The following MINAR1 variants were observed in gnomAD, a reference collection of about 807,000 sequenced individuals.
MINAR1 encodes the protein membrane integral NOTCH2 associated receptor 1.
In MINAR1, 40 loss-of-function variants were observed where a neutral mutation model predicts 65.1. That is an observed-to-expected ratio of 0.61 (90% CI 0.48 to 0.80). The LOEUF is 0.80. Among genes scored for constraint, MINAR1 ranks in the 30% least tolerant of loss-of-function variants. The pLI, the probability that MINAR1 is intolerant of heterozygous loss-of-function variation, is 0.00. For missense variants in MINAR1, 1,128 were observed against 1,148.0 expected, an observed-to-expected ratio of 0.98 and a Z score of 0.25; for synonymous variants, 482 against 449.1, an observed-to-expected ratio of 1.07 and a Z score of -0.93.
At chr15:79,447,443 A>G (rs962829603) in intron 1 of MINAR1, among the ~76,000 whole-genome samples, 3 of 149,640 alleles carry the variant, frequency 2.0e-5, no homozygotes, top group Admixed American at 6.6e-5. Context: ...GTATATTTGT[A>G]TCTTCTTTAA....
chr15:79,413,158 A>G, the MINAR1 span: 1 of 152,228 alleles, frequency 6.6e-6, no homozygotes, highest in African/African-American at 2.4e-5. Flanking sequence ...ACAAAAAACT[A>G]GAGTACCTTC....
intron 3 of MINAR1, among the ~76,000 whole-genome samples, chr15:79,466,116 G>T (rs1408927450): frequency 1.3e-5 from 2 of 152,070 alleles, no homozygotes; most frequent in Non-Finnish European, 2.9e-5. Context: ...TCCCCACATT[G>T]AGAGTGTCTT....
At chr15:79,425,403 A>G in the MINAR1 span, 1 of 152,218 alleles carries the variant, frequency 6.6e-6, no homozygotes, top group Non-Finnish European at 1.5e-5. Flanking sequence ...AGGTGACTGT[A>G]AGTTAAATGG....
the MINAR1 span, chr15:79,425,633 C>G: frequency 6.6e-6 from 1 of 152,162 alleles, no homozygotes; most frequent in Non-Finnish European, 1.5e-5. Context: ...ACTGGGGACT[C>G]TTCCCCAGAC....
At chr15:79,453,615 C>T (rs767466957) in intron 1 of MINAR1, among the ~76,000 whole-genome samples, 5 of 152,122 alleles carry the variant, frequency 3.3e-5, no homozygotes, top group Non-Finnish European at 5.9e-5. Context: ...CTCGTTGGTG[C>T]ATTGTAGGAA....
chr15:79,469,092 G>A lies in MINAR1; in HGVS notation c.*708G>A, dbSNP rs567726694. 2.0e-5 allele frequency: 3 copies of A among 153,048 alleles called. No individual in the cohort carries two copies. In the East Asian group the frequency reaches 5.8e-4, roughly 30 times the overall value. 9.5% of individuals were successfully genotyped at this position (153,048 alleles called of 1,614,324 possible). On this transcript the variant is annotated 3_prime_UTR_variant, in exon 4 of 4. Coordinates refer to ENST00000305428, the MANE Select transcript of MINAR1 (RefSeq NM_015206.3). ...ATGATGGGCCAAGGTATTCAGGCCA[G>A]GAGACCTCGTCCTCAATCCAAAGTG... is the stretch of plus-strand genomic sequence containing the variant.
chr15:79,468,224 G>C lies in MINAR1; in HGVS notation c.2591G>C (p.Trp864Ser), dbSNP rs771891891. ...TTAAACCCAAATAATTTAGAGTACT[G>C]GATGGAAGACATTTATACTCCAGGA... Reference protein sequence around the residue: ...ESLNPNNLEYWMEDIYTPGYD... With the variant: ...ESLNPNNLEYSMEDIYTPGYD... Residue 864 changes from tryptophan (W) to serine (S), a missense_variant, in exon 4 of 4, where the codon TGG (tryptophan) becomes TCG (serine). Coordinates refer to ENST00000305428, the MANE Select transcript of MINAR1 (RefSeq NM_015206.3). 6.2e-7 allele frequency: 1 copy of C among 1,614,020 alleles called. No individual in the cohort carries two copies. The highest frequency in any genetic ancestry group is 1.1e-5 in the South Asian group (1 of 91,064).
intron 1 of MINAR1, among the ~76,000 whole-genome samples, chr15:79,433,424 T>G (rs1894508444): frequency 6.6e-6 from 1 of 152,194 alleles, no homozygotes; most frequent in South Asian, 2.1e-4. Context: ...TAAGTTATGT[T>G]TGGTGAAGAT....
rs753895773 is a variant in MINAR1, at chr15:79,458,369, G to C, written c.2222G>C (p.Arg741Pro). 2.5e-6 allele frequency: 4 copies of C among 1,614,182 alleles called. No homozygotes were observed. In the Admixed American group the frequency reaches 5.0e-5, roughly 20 times the overall value. Residue 741 changes from arginine (R) to proline (P), a missense_variant, in exon 2 of 4, where the codon CGT (arginine) becomes CCT (proline). Physicochemically the swap from Arg to Pro is moderately radical, Grantham distance 103. Coordinates refer to ENST00000305428, the MANE Select transcript of MINAR1 (RefSeq NM_015206.3). The stretch of plus-strand genomic sequence containing the variant: ...TGGCGCACCATCACTTATACCAACC[G>C]TGTGGGCCTCAATGAGGAGGAGATA... ...RDWRTITYTN[R>P]VGLNEEEIKD...
Position 79,471,964 on chromosome 15 carries a change from T to G in MINAR1, c.*3580T>G, listed in dbSNP as rs1290220734. The G allele has an allele frequency of 2.0e-5, 3 of 152,594 alleles. No homozygotes were observed. Among genetic ancestry groups the G allele is most frequent in the Admixed American group, 6.5e-5 (1 of 15,268 alleles). The allele number at this position is 152,594 out of a possible 1,614,324, so 9.5% of individuals were successfully genotyped here. ...AATTGGGGAAAAGGGTATTCAATAT[T>G]TATTAAGTAACAATGAGAAATGCAA... is the stretch of plus-strand genomic sequence containing the variant. On this transcript the variant is annotated 3_prime_UTR_variant, in exon 4 of 4. Coordinates refer to ENST00000305428, the MANE Select transcript of MINAR1 (RefSeq NM_015206.3).
At chr15:79,466,607 G>A (rs561738145) in intron 3 of MINAR1, among the ~76,000 whole-genome samples, 2 of 152,310 alleles carry the variant, frequency 1.3e-5, no homozygotes, top group Admixed American at 1.3e-4. Flanking sequence ...ACAGGTGGCA[G>A]GTCAGATACG....
At chr15:79,411,752 G>T in the MINAR1 span, 1 of 456,488 alleles carries the variant, frequency 2.2e-6, no homozygotes. Context: ...AGAGTTGCTT[G>T]GAGAAGTGGT....
At chr15:79,446,734 C>A (rs1005952373) in intron 1 of MINAR1, among the ~76,000 whole-genome samples, 1 of 152,056 alleles carries the variant, frequency 6.6e-6, no homozygotes, top group African/African-American at 2.4e-5. Context: ...TTCATGCTTT[C>A]AATTCTGGAA....
the MINAR1 span, chr15:79,420,819 G>A: frequency 4.6e-5 from 7 of 152,270 alleles, no homozygotes; most frequent in Non-Finnish European, 8.8e-5. Flanking sequence ...TGGATGTAAT[G>A]AAGCCAATAA....
intron 1 of MINAR1, among the ~76,000 whole-genome samples, chr15:79,446,324 GAATT>G (rs893119490): frequency 6.6e-6 from 1 of 152,034 alleles, no homozygotes; most frequent in African/African-American, 2.4e-5. Flanking sequence ...TACATGATTA[GAATT>G]AACTATATAT....
At chr15:79,453,197 G>T (rs1008241436) in intron 1 of MINAR1, among the ~76,000 whole-genome samples, 3 of 151,954 alleles carry the variant, frequency 2.0e-5, no homozygotes. Context: ...ATCATGTAAG[G>T]CCTCAGCACA....
At chr15:79,417,138 G>A in the MINAR1 span, 2 of 152,200 alleles carry the variant, frequency 1.3e-5, no homozygotes, top group Non-Finnish European at 2.9e-5. Flanking sequence ...TCACTTCTTG[G>A]CAGGAGGCTG....
chr15:79,413,550 C>T, the MINAR1 span: 1 of 152,242 alleles, frequency 6.6e-6, no homozygotes, highest in Non-Finnish European at 1.5e-5. Context: ...GGGGAAATTG[C>T]CATCCAGGTA....
At chr15:79,426,991 T>A in the MINAR1 span, 5 of 152,192 alleles carry the variant, frequency 3.3e-5, no homozygotes, top group Non-Finnish European at 7.3e-5. Context: ...GCAGCACTAT[T>A]CACAATAGCA....
Sources: gnomAD v4.1 joint callset for allele counts (sites outside exome capture counted in the v4.1 genomes callset) on GRCh38, gnomAD v4.1.1 for gene constraint, MANE v1.5 for transcripts, NCBI Gene and HGNC (gene_info 2026-07-23, HGNC 2026-07-21) for gene names.